The following KCND2 variants were observed in gnomAD, a reference collection of about 807,000 sequenced individuals.
KCND2 encodes the protein potassium voltage-gated channel subfamily D member 2.
Under a neutral mutation model 54.4 loss-of-function variants are expected in KCND2, and 16 were observed. That is an observed-to-expected ratio of 0.29 (90% CI 0.20 to 0.45). The LOEUF (loss-of-function observed/expected upper bound fraction) is 0.45, where lower values mean the gene tolerates loss of function less well. KCND2 is among the 20% of genes least tolerant of loss of function. The pLI is 1.00. For missense variants in KCND2, 486 were observed against 824.2 expected, an observed-to-expected ratio of 0.59 and a Z score of 5.02; for synonymous variants, 317 against 310.7, an observed-to-expected ratio of 1.02 and a Z score of -0.21.
chr7:120,595,050 G>A (rs1239613440), intron 1 of KCND2, among the ~76,000 whole-genome samples: 1 of 151,118 alleles, frequency 6.6e-6, no homozygotes, highest in African/African-American at 2.4e-5. Flanking sequence ...GAGAGAGAGA[G>A]AATGGAAATC....
rs142751978 is a variant in KCND2 at position 120,696,996 on chromosome 7, G to A, written c.1116-35907G>A. On this transcript the variant is annotated intron_variant, in intron 1 of 5. Coordinates refer to ENST00000331113, the MANE Select transcript of KCND2 (RefSeq NM_012281.3). ...AGAGTTCCATATATCTGCAAATAAC[G>A]ACATTATCTTCTTTTTAACTTGAGA... is the stretch of plus-strand genomic sequence containing the variant. 4.1e-4 allele frequency among the ~76,000 whole-genome samples: 63 copies of A among 152,100 alleles called. 1 individual carries two copies. The highest frequency in any genetic ancestry group is 1.4e-3 in the African/African-American group (60 of 41,506).
intron 1 of KCND2, among the ~76,000 whole-genome samples, chr7:120,712,429 T>A (rs1014015609): frequency 1.3e-5 from 2 of 151,118 alleles, no homozygotes; most frequent in Non-Finnish European, 3.0e-5. Flanking sequence ...ACGCCCATTT[T>A]TTTTTTTCTC....
intron 1 of KCND2, among the ~76,000 whole-genome samples, chr7:120,471,111 A>G (rs1802446941): frequency 1.3e-5 from 2 of 152,126 alleles, no homozygotes; most frequent in Admixed American, 1.3e-4. Context: ...TTCTAGGCAA[A>G]CTATACTTAA....
rs568486645 is a variant in KCND2 at position 120,537,282 on chromosome 7, C to T, written c.1116-195621C>T. On this transcript the variant is annotated intron_variant, in intron 1 of 5. Coordinates refer to ENST00000331113, the MANE Select transcript of KCND2 (RefSeq NM_012281.3). ...AAAGAAACTTTCTTTTTTTTCTGAG[C>T]AATTTGTCTCAATATTGGGCTTAAA... Among the ~76,000 whole-genome samples, 8 of 152,134 alleles carry T rather than the reference C, an allele frequency of 5.3e-5. No homozygotes were observed. The East Asian group carries it at 1.5e-3, about 29-fold the overall frequency.
intron 1 of KCND2, among the ~76,000 whole-genome samples, chr7:120,620,394 G>T (rs1793083374): frequency 6.6e-6 from 1 of 152,126 alleles, no homozygotes; most frequent in African/African-American, 2.4e-5. Context: ...TTTAGTAGGA[G>T]TTCAGTTAAT....
chr7:120,326,728 T>G (rs1259426621), intron 1 of KCND2, among the ~76,000 whole-genome samples: 1 of 152,122 alleles, frequency 6.6e-6, no homozygotes, highest in Non-Finnish European at 1.5e-5. Context: ...TATTTGTTTG[T>G]CTTTATCTTT....
chr7:120,618,116 T>A (rs967066614), intron 1 of KCND2, among the ~76,000 whole-genome samples: 3 of 152,106 alleles, frequency 2.0e-5, no homozygotes, highest in Admixed American at 1.3e-4. Context: ...AGTGACACGA[T>A]TTACTAGTGT....
At chr7:120,657,586 C>T (rs1201890372) in intron 1 of KCND2, among the ~76,000 whole-genome samples, 3 of 152,144 alleles carry the variant, frequency 2.0e-5, no homozygotes, top group East Asian at 3.9e-4. Context: ...GTGGCTAATG[C>T]TTGTAATCCC....
At chr7:120,653,534 C>A (rs1349061053) in intron 1 of KCND2, among the ~76,000 whole-genome samples, 2 of 152,110 alleles carry the variant, frequency 1.3e-5, no homozygotes, top group Non-Finnish European at 2.9e-5. Flanking sequence ...TTGTTCCAAA[C>A]CATGTGTTTG....
intron 1 of KCND2, among the ~76,000 whole-genome samples, chr7:120,477,814 G>A (rs111293306): frequency 0.028 from 4,200 of 152,144 alleles, 89 homozygotes; most frequent in Non-Finnish European, 0.046. Flanking sequence ...AACACATGTT[G>A]GATATTTGTA....
intron 1 of KCND2, among the ~76,000 whole-genome samples, chr7:120,329,656 A>T (rs1563011320): frequency 6.6e-6 from 1 of 152,034 alleles, no homozygotes; most frequent in African/African-American, 2.4e-5. Context: ...CTTCCTCAAG[A>T]TTTTTTTGAC....
chr7:120,353,574 A>G (rs1013591115), intron 1 of KCND2, among the ~76,000 whole-genome samples: 1 of 152,124 alleles, frequency 6.6e-6, no homozygotes, highest in Non-Finnish European at 1.5e-5. Flanking sequence ...GCTTGGGGAA[A>G]AGAAGGAAAT....
intron 1 of KCND2, among the ~76,000 whole-genome samples, chr7:120,497,204 C>T (rs944431207): frequency 6.6e-6 from 1 of 152,078 alleles, no homozygotes; most frequent in East Asian, 1.9e-4. Context: ...CACATAAGAA[C>T]ACCCAATTCT....
chr7:120,715,096 A>G (rs1233550649), intron 1 of KCND2, among the ~76,000 whole-genome samples: 1 of 152,022 alleles, frequency 6.6e-6, no homozygotes, highest in Admixed American at 6.6e-5. Flanking sequence ...TTTGCCGATC[A>G]AAGTTGATTA....
chr7:120,747,574 T>C (rs1793022346), intron 5 of KCND2, 107 bp from the exon 6 acceptor site: 1 of 764,030 alleles, frequency 1.3e-6, no homozygotes, highest in Admixed American at 2.2e-5. Context: ...TAACTTTCCT[T>C]AGACAATTAA....
intron 1 of KCND2, among the ~76,000 whole-genome samples, chr7:120,626,031 C>T (rs953331283): frequency 6.6e-6 from 1 of 151,992 alleles, no homozygotes; most frequent in African/African-American, 2.4e-5. Context: ...AACCCATTTT[C>T]AATTATTCTA....
At chr7:120,529,788 C>T (rs1032391720) in intron 1 of KCND2, among the ~76,000 whole-genome samples, 1 of 152,072 alleles carries the variant, frequency 6.6e-6, no homozygotes, top group Non-Finnish European at 1.5e-5. Flanking sequence ...CCATGTTCCC[C>T]TAGGAATGAT....
intron 1 of KCND2, among the ~76,000 whole-genome samples, chr7:120,461,323 A>T (rs553348630): frequency 3.3e-5 from 5 of 152,286 alleles, no homozygotes; most frequent in Non-Finnish European, 5.9e-5. Flanking sequence ...CTTTTTCACT[A>T]GGGTTTCTAG....
chr7:120,531,145 C>A (rs1041656969), intron 1 of KCND2, among the ~76,000 whole-genome samples: 1 of 152,060 alleles, frequency 6.6e-6, no homozygotes, highest in Non-Finnish European at 1.5e-5. Flanking sequence ...TACTGTATTT[C>A]TCTAGTCAAT....
Sources: allele counts gnomAD v4.1 joint callset (sites outside exome capture counted in the v4.1 genomes callset), GRCh38; gene constraint gnomAD v4.1.1; transcripts MANE v1.5; gene names NCBI Gene and HGNC (gene_info 2026-07-23, HGNC 2026-07-21).